Variants in SLC26A5 observed in about 807,000 individuals in gnomAD.
The protein encoded by SLC26A5 is solute carrier family 26 member 5.
In SLC26A5, 51 loss-of-function variants were observed where a neutral mutation model predicts 81.0. The ratio of observed to expected loss-of-function variants is 0.63; its 90% CI spans 0.50 to 0.80. The LOEUF (loss-of-function observed/expected upper bound fraction) is 0.80, where lower values mean the gene tolerates loss of function less well. SLC26A5 is among the 30% of genes least tolerant of loss of function. The pLI, the probability that SLC26A5 is intolerant of heterozygous loss-of-function variation, is 0.00. For synonymous variants in SLC26A5, 325 were observed against 332.8 expected, an observed-to-expected ratio of 0.98 and a Z score of 0.25; for missense variants, 771 against 905.8, an observed-to-expected ratio of 0.85 and a Z score of 1.91.
At chr7:103,361,510 C>CAAAAAA (rs759044767) in intron 19 of SLC26A5, among the ~76,000 whole-genome samples, 286 of 50,578 alleles carry the variant, frequency 5.7e-3, no homozygotes, top group East Asian at 0.015. Context: ...AACTCCATCT[C>CAAAAAA]AAAAAAAAAA....
chr7:103,384,616 T>TA (rs112141222), intron 14 of SLC26A5, among the ~76,000 whole-genome samples: 10,106 of 148,444 alleles, frequency 0.068, 1,083 homozygotes, highest in African/African-American at 0.23. Context: ...GACTCTGTCT[T>TA]AAAAAAAAAA....
rs1824051741 is a variant in SLC26A5, at chr7:103,406,370, G to C, written c.888+1481C>G. ...GTGAAGACCATGAGAAAAGCATAGT[G>C]TCTGGGCCAGAATGCACTGTTCCTC... is the stretch of plus-strand genomic sequence containing the variant. On this transcript the variant is annotated intron_variant, in intron 8 of 19. Coordinates refer to ENST00000306312, the MANE Select transcript of SLC26A5 (RefSeq NM_198999.3). Among the ~76,000 whole-genome samples the C allele has an allele frequency of 1.3e-5, 2 of 152,172 alleles. 1 individual carries two copies. The highest frequency in any genetic ancestry group is 2.9e-5 in the Non-Finnish European group (2 of 68,032).
At chr7:103,419,335 A>AG (rs1171960064) in intron 4 of SLC26A5, among the ~76,000 whole-genome samples, 8 of 152,300 alleles carry the variant, frequency 5.3e-5, no homozygotes, top group African/African-American at 1.9e-4. Flanking sequence ...AAGACTCTGC[A>AG]GGCCTACTTC....
chr7:103,390,566 T>TAA, intron 11 of SLC26A5, 60 bp from the exon 12 acceptor site: 1 of 1,397,932 alleles, frequency 7.2e-7, no homozygotes, highest in East Asian at 2.3e-5. Flanking sequence ...AGGCAGGGCA[T>TAA]AAGTTGGTTT....
chr7:103,417,368 C>CAAAAAAAAAAAA (rs527355678), intron 4 of SLC26A5, among the ~76,000 whole-genome samples: 6 of 65,712 alleles, frequency 9.1e-5, no homozygotes, highest in Admixed American at 1.8e-4. Context: ...GACTCTGTCT[C>CAAAAAAAAAAAA]AAAAAAAAAA....
chr7:103,407,764 T>A (rs1824169582), intron 8 of SLC26A5, 87 bp downstream of exon 8: 1 of 1,477,494 alleles, frequency 6.8e-7, no homozygotes, highest in African/African-American at 1.4e-5. Flanking sequence ...GAGCAAAAAA[T>A]TCCTTTCATC....
intron 14 of SLC26A5, among the ~76,000 whole-genome samples, chr7:103,385,567 T>C (rs1822122924): frequency 6.6e-6 from 1 of 152,168 alleles, no homozygotes; most frequent in African/African-American, 2.4e-5. Context: ...CCCTGAGTGC[T>C]GATCTCCTAA....
chr7:103,388,197 T>G (rs1327067314), intron 14 of SLC26A5, among the ~76,000 whole-genome samples: 1 of 147,400 alleles, frequency 6.8e-6, no homozygotes, highest in Non-Finnish European at 1.5e-5. Flanking sequence ...CATAAAGTTT[T>G]TTTTTTTTTT....
In SLC26A5 at chr7:103,376,735, C is replaced by T. The variant is rs1586204509; in HGVS notation, c.2041+73G>A. ...AAATAATTAAAATTAAGGACATTTC[C>T]AAGTGCAATTATTTAAATAAGAGAA... On this transcript the variant is annotated intron_variant, in intron 19 of 19. Coordinates refer to ENST00000306312, the MANE Select transcript of SLC26A5 (RefSeq NM_198999.3). 4.0e-6 allele frequency: 4 copies of T among 1,009,216 alleles called. No individual in the cohort carries two copies. In the Middle Eastern group the frequency reaches 6.3e-4, roughly 160 times the overall value. 62.5% of individuals were successfully genotyped at this position (1,009,216 alleles called of 1,614,324 possible). A position where few individuals can be genotyped will look rare whatever the true frequency, so the allele number is the denominator to read the frequency against.
intron 19 of SLC26A5, among the ~76,000 whole-genome samples, chr7:103,365,253 A>T (rs1419962828): frequency 6.6e-6 from 1 of 152,142 alleles, no homozygotes; most frequent in East Asian, 1.9e-4. Context: ...TTTAATAGAT[A>T]CAGAATCATG....
intron 2 of SLC26A5, among the ~76,000 whole-genome samples, chr7:103,434,307 A>G (rs58065557): frequency 0.023 from 3,469 of 152,254 alleles, 125 homozygotes; most frequent in African/African-American, 0.079. Context: ...ATTAAAATCC[A>G]GTTTCCTCAT....
At chr7:103,378,279 A>T (rs557024498) in intron 17 of SLC26A5, among the ~76,000 whole-genome samples, 167 bp downstream of exon 17, 1 of 152,204 alleles carries the variant, frequency 6.6e-6, no homozygotes, top group Non-Finnish European at 1.5e-5. Context: ...AAACAGCCTC[A>T]TAACTGACCT....
chr7:103,445,569 G>C (rs1827235860), intron 1 of SLC26A5: 1 of 152,240 alleles, frequency 6.6e-6, no homozygotes, highest in African/African-American at 2.4e-5. Context: ...TTTGAGCCTT[G>C]CCCGGCGCTG....
intron 19 of SLC26A5, among the ~76,000 whole-genome samples, chr7:103,354,382 T>TTTTTTTG (rs1819909992): frequency 6.6e-6 from 1 of 151,544 alleles, no homozygotes; most frequent in Non-Finnish European, 1.5e-5. Context: ...TTTTTTTTTT[T>TTTTTTTG]TTTGAAACGG....
At chr7:103,426,672 T>C (rs772622497) in intron 2 of SLC26A5, among the ~76,000 whole-genome samples, 20 of 152,154 alleles carry the variant, frequency 1.3e-4, no homozygotes, top group Non-Finnish European at 2.2e-4. Flanking sequence ...GGAGAAGATG[T>C]TGTAATGAAA....
At chr7:103,365,301 T>A (rs528863285) in intron 19 of SLC26A5, among the ~76,000 whole-genome samples, 294 of 152,256 alleles carry the variant, frequency 1.9e-3, no homozygotes, top group Middle Eastern at 6.8e-3. Context: ...AAGATTAATT[T>A]GGTGGACTGG....
At chr7:103,404,302 T>A (rs1017336742) in intron 8 of SLC26A5, among the ~76,000 whole-genome samples, 21 of 152,230 alleles carry the variant, frequency 1.4e-4, no homozygotes, top group African/African-American at 4.6e-4. Context: ...CATTTTCATT[T>A]GTTTTTGCAG....
intron 19 of SLC26A5, chr7:103,364,076 G>A: frequency 6.8e-7 from 1 of 1,464,854 alleles, no homozygotes; most frequent in South Asian, 1.3e-5. Flanking sequence ...GCACTTTGTT[G>A]ATTTAGAAGT....
intron 6 of SLC26A5, 55 bp from the exon 7 acceptor site, chr7:103,410,604 TA>T: frequency 6.8e-7 from 1 of 1,472,460 alleles, no homozygotes; most frequent in Non-Finnish European, 9.3e-7. Flanking sequence ...GTCAGGAAGT[TA>T]TGACCCACAG....
Sources: gnomAD v4.1 joint callset for allele counts (sites outside exome capture counted in the v4.1 genomes callset) on GRCh38, gnomAD v4.1.1 for gene constraint, MANE v1.5 for transcripts, NCBI Gene and HGNC (gene_info 2026-07-23, HGNC 2026-07-21) for gene names.